The following DENND5B variants were observed in gnomAD, a reference collection of about 807,000 sequenced individuals.
DENND5B encodes the protein DENN domain-containing protein 5B.
DENND5B carries 34 observed loss-of-function variants against 140.6 expected under a neutral mutation model. The ratio of observed to expected loss-of-function variants is 0.24; its 90% confidence interval spans 0.18 to 0.32. DENND5B has a LOEUF of 0.32. Ranked by LOEUF, DENND5B falls within the 10% of genes least tolerant of loss-of-function variation. DENND5B has a pLI of 1.00. For missense variants in DENND5B, 1,142 were observed against 1,560.2 expected (o/e 0.73, Z 4.52); for synonymous variants, 551 against 562.1 (o/e 0.98, Z 0.28).
At chr12:31,533,453 A>T (rs1237779176) in intron 1 of DENND5B, among the ~76,000 whole-genome samples, 1 of 152,198 alleles carries the variant, frequency 6.6e-6, no homozygotes, top group Non-Finnish European at 1.5e-5. Flanking sequence ...TACTGTTTTT[A>T]AGCCTGAGCC....
At chr12:31,394,700 G>A (rs1424519438) in intron 17 of DENND5B, among the ~76,000 whole-genome samples, 5 of 149,526 alleles carry the variant, frequency 3.3e-5, no homozygotes, top group African/African-American at 7.4e-5. Context: ...TGCAAGTTCC[G>A]CCTCCCGGGT....
chr12:31,455,891 C>T (rs1011319178), intron 4 of DENND5B, among the ~76,000 whole-genome samples: 2 of 151,938 alleles, frequency 1.3e-5, no homozygotes, highest in Non-Finnish European at 2.9e-5. Flanking sequence ...TAGTGGCAGG[C>T]GCCTGTAATC....
chr12:31,462,399 G>T (rs1945059741), intron 3 of DENND5B, among the ~76,000 whole-genome samples: 1 of 152,090 alleles, frequency 6.6e-6, no homozygotes, highest in African/African-American at 2.4e-5. Context: ...CCTGAGGTCG[G>T]CTGGATGGCC....
At chr12:31,507,025 C>CA (rs1479904676) in intron 1 of DENND5B, among the ~76,000 whole-genome samples, 1 of 152,192 alleles carries the variant, frequency 6.6e-6, no homozygotes, top group African/African-American at 2.4e-5. Context: ...TTCAGAGTCC[C>CA]AACCACATAG....
At position 31,494,197 on chromosome 12, in the gene DENND5B, CATCCACCTACCTACCTACCTACCTCT is replaced by C. The variant is rs1210236956; in HGVS notation, c.237+1587_237+1612del. Among the ~76,000 whole-genome samples the C allele has an allele frequency of 4.7e-5, 4 of 84,292 alleles. No homozygotes were observed. In the East Asian group the frequency reaches 1.6e-3, roughly 33 times the overall value. The allele number at this position is 84,292 out of a possible 152,430, so 55.3% of individuals were successfully genotyped here. Reference sequence around the variant, plus strand: ...CTATCTATCTATCCATCCATCCATCCATCCACCTACCTACCTACCTACCTCTACCTACCTACCTACCTACCTACCTA... The same window carrying C: ...CTATCTATCTATCCATCCATCCATCCACCTACCTACCTACCTACCTACCTA... On this transcript the variant is annotated intron_variant, in intron 2 of 20. Transcript: ENST00000389082.
intron 20 of DENND5B, among the ~76,000 whole-genome samples, chr12:31,388,438 A>G (rs1215846627): frequency 2.6e-5 from 4 of 152,124 alleles, no homozygotes; most frequent in African/African-American, 9.7e-5. Flanking sequence ...ATGAAGAAGA[A>G]ATACAGAACT....
chr12:31,488,132 T>TA (rs1491448888), intron 2 of DENND5B, among the ~76,000 whole-genome samples: 1 of 14,964 alleles, frequency 6.7e-5, no homozygotes, highest in Non-Finnish European at 1.5e-4. Context: ...TACCCGGCTA[T>TA]TTTTTTTTTT....
intron 8 of DENND5B, chr12:31,432,631 ACTT>A (rs1943559030): frequency 6.6e-6 from 1 of 152,464 alleles, no homozygotes; most frequent in Non-Finnish European, 1.5e-5. Flanking sequence ...ATCAAAACTT[ACTT>A]GTTGTATAAT....
chr12:31,575,384 A>G (rs970371793), intron 1 of DENND5B, among the ~76,000 whole-genome samples: 2 of 152,220 alleles, frequency 1.3e-5, no homozygotes, highest in Non-Finnish European at 2.9e-5. Flanking sequence ...AAGGAGGACT[A>G]CATCAGGGAA....
chr12:31,461,657 A>C (rs1358663836), intron 3 of DENND5B, among the ~76,000 whole-genome samples: 5 of 152,246 alleles, frequency 3.3e-5, no homozygotes, highest in Non-Finnish European at 7.3e-5. Flanking sequence ...AGTAGGACAG[A>C]TAATCAAAGA....
chr12:31,421,559 A>G (rs1314153506), intron 11 of DENND5B, among the ~76,000 whole-genome samples: 5 of 143,200 alleles, frequency 3.5e-5, no homozygotes, highest in Admixed American at 1.5e-4. Context: ...ATAAATATAC[A>G]TCTTTTCTGA....
At chr12:31,568,768 A>G (rs1949715654) in intron 1 of DENND5B, among the ~76,000 whole-genome samples, 1 of 152,196 alleles carries the variant, frequency 6.6e-6, no homozygotes, top group Non-Finnish European at 1.5e-5. Flanking sequence ...AACTCCTTTT[A>G]AATTTTGTGA....
intron 6 of DENND5B, among the ~76,000 whole-genome samples, chr12:31,447,267 C>A (rs1944315306): frequency 6.6e-6 from 1 of 152,018 alleles, no homozygotes; most frequent in African/African-American, 2.4e-5. Flanking sequence ...TGAGAACCAT[C>A]TCAAAAACAA....
chr12:31,412,607 TCTC>T (rs1306787751), intron 13 of DENND5B, among the ~76,000 whole-genome samples: 5 of 152,154 alleles, frequency 3.3e-5, no homozygotes, highest in Non-Finnish European at 5.9e-5. Context: ...CCTCGGCTCA[TCTC>T]CTGCTGTGCA....
In DENND5B at chr12:31,433,185, C is replaced by A. The variant is rs1380956215; in HGVS notation, c.2076G>T (p.Glu692Asp). 1 of 1,613,936 alleles carries A rather than the reference C, an allele frequency of 6.2e-7. No homozygotes were observed. Among genetic ancestry groups the A allele is most frequent in the Non-Finnish European group, 8.5e-7 (1 of 1,179,882 alleles). ...RRKERLRQHSEHVGLDNDLRE... is the reference protein window; with the variant it reads ...RRKERLRQHSDHVGLDNDLRE... Reference sequence around the variant, plus strand: ...TCAAGTCGTTGTCCAGCCCAACATGCTCAGAATGCTGGCGAAGGCGTTCTT... The same window carrying A: ...TCAAGTCGTTGTCCAGCCCAACATGATCAGAATGCTGGCGAAGGCGTTCTT... The change falls in exon 8 of 21, where the codon GAG becomes GAT. Residue 692 changes from glutamate to aspartate, a missense_variant. Physicochemically the swap from Glu to Asp is conservative, Grantham distance 45. Transcript: ENST00000389082.
At chr12:31,475,500 C>T (rs2138478632) in intron 3 of DENND5B, among the ~76,000 whole-genome samples, 1 of 152,320 alleles carries the variant, frequency 6.6e-6, no homozygotes, top group South Asian at 2.1e-4. Context: ...GTAAACCCTA[C>T]ACTTTGGGAA....
chr12:31,574,295 A>AATAATAATAATAATAATTATTATT (rs374578025), intron 1 of DENND5B, among the ~76,000 whole-genome samples: 3 of 144,576 alleles, frequency 2.1e-5, no homozygotes, highest in East Asian at 2.1e-4. Context: ...TAATAATAAT[A>AATAATAATAATAATAATTATTATT]ATTTAAAAGG....
intron 3 of DENND5B, chr12:31,477,466 T>G (rs935822534): frequency 1.3e-5 from 2 of 152,206 alleles, no homozygotes; most frequent in African/African-American, 4.8e-5. Flanking sequence ...TGCTGAATAT[T>G]TAGCAGGCGC....
At chr12:31,529,855 G>C (rs918204621) in intron 1 of DENND5B, among the ~76,000 whole-genome samples, 8 of 152,012 alleles carry the variant, frequency 5.3e-5, no homozygotes, top group African/African-American at 1.9e-4. Flanking sequence ...ATTGCCATAT[G>C]AATAGCCATG....
Sources: allele counts gnomAD v4.1 joint callset (sites outside exome capture counted in the v4.1 genomes callset), GRCh38; gene constraint gnomAD v4.1.1; transcripts MANE v1.5; gene names NCBI Gene and HGNC (gene_info 2026-07-23, HGNC 2026-07-21).